The following TNKS variants were observed in gnomAD, a reference collection of about 807,000 sequenced individuals.
TNKS encodes poly [ADP-ribose] polymerase tankyrase-1.
TNKS carries 72 observed loss-of-function variants against 135.8 expected under a neutral mutation model. The observed-to-expected ratio is 0.53, with a 90% CI of 0.44 to 0.64. TNKS has a LOEUF of 0.64. TNKS is among the 30% of genes least tolerant of loss of function. TNKS has a pLI of 0.00. For synonymous variants in TNKS, 849 were observed against 649.3 expected (o/e 1.31, Z -4.68); for missense variants, 1,769 against 1,674.0 (o/e 1.06, Z -0.99).
intron 25 of TNKS, 143 bp from the exon 26 acceptor site, chr8:9,769,963 C>T (rs1416825887): frequency 2.9e-6 from 2 of 678,574 alleles, no homozygotes; most frequent in Non-Finnish European, 4.8e-6. Flanking sequence ...CAAATTCCAT[C>T]CCATTCCTAC....
At chr8:9,577,489 G>A (rs773140759) in intron 1 of TNKS, among the ~76,000 whole-genome samples, 12 of 152,262 alleles carry the variant, frequency 7.9e-5, no homozygotes, top group Non-Finnish European at 1.2e-4. Context: ...ATTCACAGTC[G>A]TGACGGGAGG....
At chr8:9,763,450 T>G (rs1807256534) in intron 22 of TNKS, among the ~76,000 whole-genome samples, 1 of 152,174 alleles carries the variant, frequency 6.6e-6, no homozygotes. Flanking sequence ...TTCTAATGCA[T>G]GGGGCCCATC....
intron 22 of TNKS, among the ~76,000 whole-genome samples, chr8:9,763,524 T>G (rs1052908624): frequency 6.6e-6 from 1 of 152,192 alleles, no homozygotes; most frequent in African/African-American, 2.4e-5. Context: ...CTATTACAAC[T>G]ATTTTCTTAT....
chr8:9,742,790 TTA>T (rs1398669319), intron 17 of TNKS, among the ~76,000 whole-genome samples: 1 of 149,682 alleles, frequency 6.7e-6, no homozygotes, highest in Non-Finnish European at 1.5e-5. Context: ...ATATATATAC[TTA>T]TATATTTAAG....
intron 3 of TNKS, among the ~76,000 whole-genome samples, chr8:9,635,550 A>G (rs1800477775): frequency 6.6e-6 from 1 of 152,368 alleles, no homozygotes; most frequent in African/African-American, 2.4e-5. Context: ...GATTCTCAGC[A>G]TGATTGCTCA....
At chr8:9,765,311 A>AAGTT (rs1807368921) in intron 23 of TNKS, among the ~76,000 whole-genome samples, 1 of 152,194 alleles carries the variant, frequency 6.6e-6, no homozygotes, top group South Asian at 2.1e-4. Context: ...AGACCTGTAA[A>AAGTT]AGTTATACTG....
At chr8:9,773,018 A>AGTT (rs1393538130) in intron 26 of TNKS, among the ~76,000 whole-genome samples, 1 of 151,682 alleles carries the variant, frequency 6.6e-6, no homozygotes, top group East Asian at 1.9e-4. Context: ...CTTACTTGTA[A>AGTT]GTTGGTAGCT....
intron 25 of TNKS, 72 bp downstream of exon 25, chr8:9,766,497 T>TC: frequency 7.2e-7 from 1 of 1,383,970 alleles, no homozygotes. Context: ...TTTTTTTTTT[T>TC]TTTTTTGAGA....
rs539388389 is a variant in TNKS, at chr8:9,761,648, A to AG, written c.3274+13dup. 1 of 1,580,364 alleles carries AG rather than the reference A, an allele frequency of 6.3e-7. No individual in the cohort carries two copies. Among genetic ancestry groups the AG allele is most frequent in the Non-Finnish European group, 8.5e-7 (1 of 1,171,628 alleles). ...AGGTGGACAACAAGGTAAGCTATTC[A>AG]GAAAAAAAAAAAAATTTCAGAAATC... On this transcript the variant is annotated intron_variant, in intron 21 of 26. Transcript: ENST00000310430.
At chr8:9,685,750 G>C (rs920608779) in intron 5 of TNKS, among the ~76,000 whole-genome samples, 2 of 152,114 alleles carry the variant, frequency 1.3e-5, no homozygotes, top group African/African-American at 4.8e-5. Context: ...ATACATTCTT[G>C]AGATATATGC....
At chr8:9,604,356 G>C (rs539589719) in intron 2 of TNKS, among the ~76,000 whole-genome samples, 64 of 152,128 alleles carry the variant, frequency 4.2e-4, no homozygotes, top group African/African-American at 1.4e-3. Context: ...TAATTTAATT[G>C]ATATCACCAA....
At chr8:9,671,728 G>T (rs911543344) in intron 3 of TNKS, among the ~76,000 whole-genome samples, 1 of 152,126 alleles carries the variant, frequency 6.6e-6, no homozygotes, top group African/African-American at 2.4e-5. Flanking sequence ...ATCTGAAAAG[G>T]TGAATTTAAC....
In TNKS at chr8:9,704,724, A is replaced by G. The variant is rs774394526; in HGVS notation, c.1169A>G (p.Gln390Arg). The change falls in exon 6 of 27, where the codon CAG becomes CGG. Residue 390 changes from glutamine (Q) to arginine (R), a missense_variant. This residue lies in a region of TNKS where 523 missense variants were observed against 541.0 expected (regional missense o/e 0.97). Coordinates refer to ENST00000310430, the MANE Select transcript of TNKS (RefSeq NM_003747.3). ...GTTCGAATAGTTCAGCTTCTTCTTC[A>G]GCATGGTGCTGATGTTCATGCAAAA... is the stretch of plus-strand genomic sequence containing the variant. ...NRVRIVQLLLQHGADVHAKDK... is the reference protein window; with the variant it reads ...NRVRIVQLLLRHGADVHAKDK... 5.6e-6 allele frequency: 9 copies of G among 1,613,454 alleles called. No homozygotes were observed. In the East Asian group the frequency reaches 1.6e-4, roughly 28 times the overall value.
rs184021761 is a variant in TNKS at position 9,769,052 on chromosome 8, T to C, written c.3741-1054T>C. On this transcript the variant is annotated intron_variant, in intron 25 of 26. Coordinates refer to ENST00000310430, the MANE Select transcript of TNKS (RefSeq NM_003747.3). ...TTGTACTAATTTGTAAAAATGTTTA[T>C]TGCTTATATTAGAGATTAGCAGACA... Among the ~76,000 whole-genome samples, 590 of 152,382 alleles carry C rather than the reference T, an allele frequency of 3.9e-3. 4 individuals carry two copies. The highest frequency in any genetic ancestry group is 6.2e-3 in the Non-Finnish European group (424 of 68,038).
In TNKS at chr8:9,556,345, ACTT is replaced by A. The variant is rs1815300501; in HGVS notation, c.411_413del (p.Ser142del). 6.2e-7 allele frequency: 1 copy of A among 1,614,066 alleles called. No individual in the cohort carries two copies. Among genetic ancestry groups the A allele is most frequent in the South Asian group, 1.1e-5 (1 of 91,084 alleles). On this transcript the variant is annotated inframe_deletion, in exon 1 of 27. Coordinates refer to ENST00000310430, the MANE Select transcript of TNKS (RefSeq NM_003747.3). The stretch of plus-strand genomic sequence containing the variant: ...TTCACCGTCGTCCTCTTCTTCCCCG[ACTT>A]CTTCCTCATCTTCCTCTCCATCCTC...
At position 9,708,432 on chromosome 8, in the gene TNKS, A is replaced by G. The variant is rs763327070; in HGVS notation, c.1518A>G (p.Lys506=). 3.1e-6 allele frequency: 5 copies of G among 1,610,612 alleles called. No homozygotes were observed. Among genetic ancestry groups the G allele is most frequent in the Admixed American group, 3.3e-5 (2 of 59,834 alleles). Residue 506 remains lysine, a synonymous_variant, in exon 9 of 27, where the codon AAA becomes AAG. Coordinates refer to ENST00000310430, the MANE Select transcript of TNKS (RefSeq NM_003747.3). ...GAGAAGCAGACTTAGCTAAAGTTAA[A>G]AAAACACTCGCTCTGGAAATCATTA... The part of the protein sequence containing the change: ...AAREADLAKV[K]KTLALEIINF...
chr8:9,582,586 A>G lies in TNKS; in HGVS notation c.898+2203A>G, dbSNP rs145919994. 3.9e-3 allele frequency among the ~76,000 whole-genome samples: 598 copies of G among 152,252 alleles called. 4 individuals carry two copies. The highest frequency in any genetic ancestry group is 6.1e-3 in the Non-Finnish European group (413 of 68,018). ...GCACATGCTCCAGGCTTATACCCTG[A>G]CCCCACCAGTTTCCAGCTGTGTGAG... On this transcript the variant is annotated intron_variant, in intron 2 of 26. Transcript: ENST00000310430.
At chr8:9,591,670 A>T (rs1346010202) in intron 2 of TNKS, among the ~76,000 whole-genome samples, 1 of 151,954 alleles carries the variant, frequency 6.6e-6, no homozygotes, top group Non-Finnish European at 1.5e-5. Context: ...TCTTAGTTGG[A>T]TGTGTGTATT....
intron 2 of TNKS, among the ~76,000 whole-genome samples, chr8:9,606,293 G>A (rs138557911): frequency 9.1e-4 from 137 of 151,222 alleles, no homozygotes; most frequent in African/African-American, 3.3e-3. Flanking sequence ...TTATTTATGA[G>A]CTGTCTTCTG....
Sources: gnomAD v4.1 joint callset for allele counts (sites outside exome capture counted in the v4.1 genomes callset) on GRCh38, gnomAD v4.1.1 for gene constraint, gnomAD v4.1.1 regional missense constraint, MANE v1.5 for transcripts, NCBI Gene and HGNC (gene_info 2026-07-23, HGNC 2026-07-21) for gene names.